The following ZNF226 variants were observed in gnomAD, a reference collection of about 807,000 sequenced individuals.
ZNF226 encodes the protein zinc finger protein 226.
In ZNF226, 6 loss-of-function variants were observed where a neutral mutation model predicts 11.4. That is an observed-to-expected ratio of 0.53 (90% confidence interval 0.29 to 1.04). ZNF226 has a LOEUF of 1.04. Ranked by LOEUF, ZNF226 falls within the 50% of genes least tolerant of loss-of-function variation. ZNF226 has a pLI of 0.08. For synonymous variants in ZNF226, 350 were observed against 322.8 expected, an observed-to-expected ratio of 1.08 and a Z score of -0.90; for missense variants, 1,058 against 956.5, an observed-to-expected ratio of 1.11 and a Z score of -1.40.
the ZNF226 span, among the ~76,000 whole-genome samples, chr19:44,184,408 T>C: frequency 1.3e-5 from 2 of 151,916 alleles, no homozygotes; most frequent in Non-Finnish European, 2.9e-5. Flanking sequence ...GGTGAAACCC[T>C]GTCTCTACTA....
chr19:44,176,831 G>A lies in ZNF226; in HGVS notation c.1569G>A (p.Val523=). The change falls in exon 6 of 6, where the codon GTG becomes GTA. Residue 523 remains valine, a synonymous_variant. Coordinates refer to ENST00000337433, the MANE Select transcript of ZNF226 (RefSeq NM_001032373.2). ...ATTCCCATTATCAAGTTCATCTAGT[G>A]GTCCACACAGGAGAGAAACCCTATA... is the stretch of plus-strand genomic sequence containing the variant. ...RRNSHYQVHL[V]VHTGEKPYKC... The A allele has an allele frequency of 6.2e-7, 1 of 1,611,760 alleles. No individual in the cohort carries two copies. The highest frequency in any genetic ancestry group is 2.2e-5 in the East Asian group (1 of 44,684).
chr19:44,191,059 ATTAG>A, the ZNF226 span, among the ~76,000 whole-genome samples: 20 of 152,206 alleles, frequency 1.3e-4, no homozygotes. Context: ...ATTTCATGTA[ATTAG>A]TTTTTGTTAT....
At chr19:44,183,635 G>A in the ZNF226 span, among the ~76,000 whole-genome samples, 1 of 152,182 alleles carries the variant, frequency 6.6e-6, no homozygotes, top group Non-Finnish European at 1.5e-5. Flanking sequence ...TCACCTTCAT[G>A]TTCATATGCT....
downstream of ZNF226, among the ~76,000 whole-genome samples, chr19:44,180,086 C>CAAAAAAAA (rs60173546): frequency 7.3e-5 from 4 of 54,738 alleles, no homozygotes; most frequent in African/African-American, 1.7e-4. Context: ...GACTCTGTCT[C>CAAAAAAAA]AAAAAAAAAA....
At chr19:44,173,050 T>G (rs964883906) in intron 5 of ZNF226, 98 bp downstream of exon 5, 1 of 1,124,774 alleles carries the variant, frequency 8.9e-7, no homozygotes, top group Non-Finnish European at 1.3e-6. Context: ...TTGCCAACTG[T>G]CTTTCCTGGA....
the ZNF226 span, among the ~76,000 whole-genome samples, chr19:44,194,592 T>C: frequency 6.6e-6 from 1 of 152,202 alleles, no homozygotes; most frequent in Admixed American, 6.5e-5. Context: ...GTGGCTTTAA[T>C]TGTCCACTAA....
chr19:44,176,542 G>A lies in ZNF226; in HGVS notation c.1280G>A (p.Gly427Asp). The A allele has an allele frequency of 6.2e-7, 1 of 1,614,128 alleles. No individual in the cohort carries two copies. Among genetic ancestry groups the A allele is most frequent in the Non-Finnish European group, 8.5e-7 (1 of 1,180,004 alleles). Residue 427 changes from glycine (G) to aspartate (D), a missense_variant, in exon 6 of 6, where the codon GGC becomes GAC. By Grantham distance (94) the Gly-to-Asp change is moderately conservative. Transcript: ENST00000337433. ...KPYKCEECGKGFICSSNLYIH... is the reference protein window; with the variant it reads ...KPYKCEECGKDFICSSNLYIH... ...TACAAATGTGAGGAGTGTGGTAAGG[G>A]CTTCATTTGTAGCTCAAATCTTTAC...
Position 44,175,662 on chromosome 19 carries a change from G to C in ZNF226, c.400G>C (p.Val134Leu), listed in dbSNP as rs778022183. Reference protein sequence around the residue: ...CHKQGDFPYQVGTELSIQISE... With the variant: ...CHKQGDFPYQLGTELSIQISE... ...CAAACAAGGTGATTTCCCTTACCAG[G>C]TAGGGACAGAACTGTCTATTCAAAT... The change falls in exon 6 of 6, where the codon GTA becomes CTA. Residue 134 changes from valine (V) to leucine (L), a missense_variant. Val to Leu is a conservative substitution (Grantham distance 32). Coordinates refer to ENST00000337433, the MANE Select transcript of ZNF226 (RefSeq NM_001032373.2). 4 of 1,613,672 alleles carry C rather than the reference G, an allele frequency of 2.5e-6. No individual in the cohort carries two copies. Among genetic ancestry groups the C allele is most frequent in the African/African-American group, 2.7e-5 (2 of 74,896 alleles).
Position 44,176,732 on chromosome 19 carries a change from T to A in ZNF226, c.1470T>A (p.Leu490=). Residue 490 remains leucine (L), a synonymous_variant, in exon 6 of 6, where the codon CTT becomes CTA. Coordinates refer to ENST00000337433, the MANE Select transcript of ZNF226 (RefSeq NM_001032373.2). ...AAGGCTTTACTCTGAGTTCAAATCT[T>A]CAAGCCCATCAGAGAGTCCACACTG... ...CGKGFTLSSN[L]QAHQRVHTGE... is the part of the protein sequence containing the mutation. 6.2e-7 allele frequency: 1 copy of A among 1,614,158 alleles called. No homozygotes were observed. The highest frequency in any genetic ancestry group is 8.5e-7 in the Non-Finnish European group (1 of 1,180,024).
chr19:44,173,391 C>G (rs1970341404), intron 5 of ZNF226: 2 of 219,226 alleles, frequency 9.1e-6, no homozygotes, highest in African/African-American at 4.6e-5. Context: ...CTTCCCTCTG[C>G]CTGAAATAAT....
chr19:44,171,121 C>T (rs7257833), intron 3 of ZNF226, among the ~76,000 whole-genome samples: 5,574 of 152,100 alleles, frequency 0.037, 259 homozygotes, highest in African/African-American at 0.11. Context: ...AGGATTTTTA[C>T]TGTTTTAGGA....
At position 44,173,169 on chromosome 19, in the gene ZNF226, GTTC is replaced by G. The variant is rs539429124; in HGVS notation, c.235+222_235+224del. The stretch of plus-strand genomic sequence containing the variant: ...TTGTTACCTTGTGTCAGACTATGTT[GTTC>G]TTCTGCTCAAAATTCTCTGTGACTT... On this transcript the variant is annotated intron_variant, in intron 5 of 5. Coordinates refer to ENST00000337433, the MANE Select transcript of ZNF226 (RefSeq NM_001032373.2). 7.1e-5 allele frequency: 40 copies of G among 565,842 alleles called. 1 individual carries two copies. In the East Asian group the frequency reaches 1.1e-3, roughly 15 times the overall value. 35.1% of individuals were successfully genotyped at this position (565,842 alleles called of 1,614,324 possible).
chr19:44,190,216 G>C, the ZNF226 span, among the ~76,000 whole-genome samples: 1 of 151,902 alleles, frequency 6.6e-6, no homozygotes, highest in African/African-American at 2.4e-5. Context: ...ATTATTTTAG[G>C]TTCTTGTATT....
chr19:44,179,786 A>G (rs1970878655), downstream of ZNF226, among the ~76,000 whole-genome samples: 1 of 151,974 alleles, frequency 6.6e-6, no homozygotes, highest in Admixed American at 6.6e-5. Context: ...AAAAAGGAAT[A>G]ATAAAATTTA....
At chr19:44,169,994 A>G in intron 2 of ZNF226, 41 bp from the exon 3 acceptor site, 3 of 1,443,968 alleles carry the variant, frequency 2.1e-6, no homozygotes, top group South Asian at 1.3e-5. Context: ...CATTAGCAAC[A>G]TACTTACCCA....
the ZNF226 span, among the ~76,000 whole-genome samples, chr19:44,197,317 T>C: frequency 6.6e-6 from 1 of 152,238 alleles, no homozygotes; most frequent in South Asian, 2.1e-4. Context: ...AAAGTGATTG[T>C]ACCAATTTAC....
At chr19:44,189,340 T>C in the ZNF226 span, among the ~76,000 whole-genome samples, 1 of 152,204 alleles carries the variant, frequency 6.6e-6, no homozygotes, top group African/African-American at 2.4e-5. Context: ...CAAATGATCA[T>C]TGGGAATTAG....
chr19:44,185,608 T>TTTG, the ZNF226 span, among the ~76,000 whole-genome samples: 1 of 152,154 alleles, frequency 6.6e-6, no homozygotes, highest in Non-Finnish European at 1.5e-5. Flanking sequence ...TTGGGGTTTT[T>TTTG]TTGTTGTTGT....
chr19:44,191,192 A>G, the ZNF226 span, among the ~76,000 whole-genome samples: 2 of 152,204 alleles, frequency 1.3e-5, no homozygotes, highest in Non-Finnish European at 2.9e-5. Context: ...AGTACTTATT[A>G]GAGTCTTTTC....
Sources: allele counts gnomAD v4.1 joint callset (sites outside exome capture counted in the v4.1 genomes callset), GRCh38; gene constraint gnomAD v4.1.1; transcripts MANE v1.5; gene names NCBI Gene and HGNC (gene_info 2026-07-23, HGNC 2026-07-21).